Variants in DOCK7 observed in about 807,000 individuals in gnomAD.
DOCK7 encodes the protein dedicator of cytokinesis protein 7.
DOCK7 carries 138 observed loss-of-function variants against 271.0 expected under a neutral mutation model. The observed-to-expected ratio is 0.51, with a 90% CI of 0.44 to 0.59. The LOEUF (loss-of-function observed/expected upper bound fraction) is 0.59, where lower values mean the gene tolerates loss of function less well. Ranked by LOEUF, DOCK7 falls within the 20% of genes least tolerant of loss-of-function variation. The pLI is 0.00. For missense variants in DOCK7, 2,066 were observed against 2,592.4 expected (o/e 0.80, Z 4.41); for synonymous variants, 823 against 876.1 (o/e 0.94, Z 1.07).
rs1647532020 is a variant in DOCK7, at chr1:62,586,415, A to G, written c.1800+92T>C. On this transcript the variant is annotated intron_variant, in intron 15 of 49. Coordinates refer to ENST00000635253, the MANE Select transcript of DOCK7 (RefSeq NM_001367561.1). ...AAATTTGGTTTAAAAGATCACATTA[A>G]TTTCCAGGTTGCAGTTGCCAACCAA... The G allele has an allele frequency of 3.6e-6, 3 of 841,638 alleles. No homozygotes were observed. The South Asian group carries it at 5.5e-5, about 15-fold the overall frequency. 52.1% of individuals were successfully genotyped at this position (841,638 alleles called of 1,614,324 possible). A position where few individuals can be genotyped will look rare whatever the true frequency, so the allele number is the denominator to read the frequency against.
chr1:62,651,875 T>C (rs868758346), intron 4 of DOCK7, among the ~76,000 whole-genome samples: 4 of 152,268 alleles, frequency 2.6e-5, no homozygotes, highest in African/African-American at 9.6e-5. Context: ...AATTTTTTAA[T>C]TTGTATCCCC....
chr1:62,512,501 G>A (rs1644516489), intron 33 of DOCK7, among the ~76,000 whole-genome samples: 1 of 152,082 alleles, frequency 6.6e-6, no homozygotes, highest in Non-Finnish European at 1.5e-5. Context: ...AGCAGACCTG[G>A]GATTAGAAAA....
chr1:62,618,196 G>A (rs1557809915), intron 14 of DOCK7, among the ~76,000 whole-genome samples: 3 of 152,092 alleles, frequency 2.0e-5, no homozygotes, highest in South Asian at 4.1e-4. Context: ...ATCTGACAAC[G>A]TCATGTCAAG....
chr1:62,629,359 T>C (rs1422095999), intron 11 of DOCK7: 1 of 152,050 alleles, frequency 6.6e-6, no homozygotes, highest in African/African-American at 2.4e-5. Context: ...AACTGATAAA[T>C]AAATATAGTA....
At chr1:62,614,341 T>TA (rs1411244630) in intron 14 of DOCK7, among the ~76,000 whole-genome samples, 1 of 152,044 alleles carries the variant, frequency 6.6e-6, no homozygotes, top group African/African-American at 2.4e-5. Context: ...TGTTTTTTTT[T>TA]AAAATAAACT....
chr1:62,521,688 TAAG>T (rs1227545222), intron 31 of DOCK7, among the ~76,000 whole-genome samples: 2 of 152,172 alleles, frequency 1.3e-5, no homozygotes, highest in Non-Finnish European at 2.9e-5. Context: ...AATCAGTTGT[TAAG>T]AAGACCAGGT....
At chr1:62,658,547 T>C (rs1658298261) in intron 2 of DOCK7, among the ~76,000 whole-genome samples, 1 of 152,066 alleles carries the variant, frequency 6.6e-6, no homozygotes, top group African/African-American at 2.4e-5. Flanking sequence ...CAACCTAGAT[T>C]TCTCATAAAA....
intron 31 of DOCK7, among the ~76,000 whole-genome samples, chr1:62,521,245 G>A: frequency 6.6e-6 from 1 of 151,686 alleles, no homozygotes; most frequent in Non-Finnish European, 1.5e-5. Flanking sequence ...AGAACTTAAA[G>A]TATAATTTAA....
At chr1:62,687,531 G>C (rs1211922854) in intron 1 of DOCK7, 1 of 68,726 alleles carries the variant, frequency 1.5e-5, no homozygotes, top group Non-Finnish European at 3.3e-5. Context: ...GGCGAACTCA[G>C]AACAAGCTTC....
Position 62,492,708 on chromosome 1 carries a change from G to A in DOCK7, c.5357C>T (p.Ser1786Phe), listed in dbSNP as rs764567672. 3 of 1,614,026 alleles carry A rather than the reference G, an allele frequency of 1.9e-6. No homozygotes were observed. The highest frequency in any genetic ancestry group is 1.7e-5 in the Admixed American group (1 of 60,012). Residue 1786 changes from serine to phenylalanine, a missense_variant, in exon 41 of 50, where the codon TCT becomes TTT. Physicochemically the swap from Ser to Phe is radical, Grantham distance 155. Transcript: ENST00000635253. ...GLLEQAAASFSMAGMYEAVNE... is the reference protein window; with the variant it reads ...GLLEQAAASFFMAGMYEAVNE... ...GAATTAACAAGAGTCATCTACCATA[G>A]AGAAGGAAGCAGCTGCTTGTTCCAG...
intron 4 of DOCK7, 24 bp from the exon 5 acceptor site, chr1:62,648,568 A>C (rs1325155700): frequency 2.5e-6 from 3 of 1,188,094 alleles, no homozygotes; most frequent in Non-Finnish European, 3.3e-6. Context: ...AAAGTTAAAT[A>C]AATATCAACT....
At chr1:62,543,815 G>C (rs1315176627) in intron 23 of DOCK7, 70 bp from the exon 24 acceptor site, 1 of 1,095,884 alleles carries the variant, frequency 9.1e-7, no homozygotes, top group Non-Finnish European at 1.3e-6. Context: ...GCAGCTGATG[G>C]ATTATGTACA....
At chr1:62,641,417 T>G (rs1326127703) in intron 7 of DOCK7, 1 of 401,850 alleles carries the variant, frequency 2.5e-6, no homozygotes, top group Non-Finnish European at 5.0e-6. Flanking sequence ...ATCAAACATC[T>G]TGAGGTGGTC....
chr1:62,645,223 C>T (rs939230297), intron 7 of DOCK7, among the ~76,000 whole-genome samples: 3 of 151,998 alleles, frequency 2.0e-5, no homozygotes, highest in African/African-American at 4.8e-5. Flanking sequence ...GAAATGAAAA[C>T]ACGTGTCCCA....
At chr1:62,553,375 T>TAAA in intron 21 of DOCK7, among the ~76,000 whole-genome samples, 1 of 8,234 alleles carries the variant, frequency 1.2e-4, no homozygotes, top group African/African-American at 3.6e-4. Flanking sequence ...TTTTTTTTTT[T>TAAA]TTTTTTTTTT....
intron 7 of DOCK7, among the ~76,000 whole-genome samples, chr1:62,642,943 T>C (rs1656216774): frequency 6.6e-6 from 1 of 152,230 alleles, no homozygotes; most frequent in South Asian, 2.1e-4. Context: ...TCTCCATACC[T>C]TGAATTCAGG....
At chr1:62,623,856 T>C (rs17387864) in intron 12 of DOCK7, among the ~76,000 whole-genome samples, 6,586 of 152,262 alleles carry the variant, frequency 0.043, 226 homozygotes, top group Non-Finnish European at 0.066. Flanking sequence ...ACTACTGATA[T>C]GTAACAGTGA....
intron 27 of DOCK7, among the ~76,000 whole-genome samples, 175 bp downstream of exon 27, chr1:62,539,370 A>T (rs1022173125): frequency 9.2e-5 from 14 of 152,208 alleles, no homozygotes; most frequent in Non-Finnish European, 7.3e-5. Context: ...TTGTGTCCTG[A>T]TAAAACATGT....
chr1:62,505,804 T>C lies in DOCK7; in HGVS notation c.4489A>G (p.Thr1497Ala). ...CCAAGAATGCTCTCTTTGGATTCCG[T>C]TACAGAAACGGTCTGCAATTTAAAA... ...LEIVVQTVSV[T>A]ESKESILGGV... The change falls in exon 36 of 50, where the codon ACG becomes GCG. Residue 1497 changes from threonine (T) to alanine (A), a missense_variant. By Grantham distance (58) the Thr-to-Ala change is moderately conservative. Transcript: ENST00000635253. The C allele has an allele frequency of 6.2e-7, 1 of 1,609,762 alleles. No individual in the cohort carries two copies.
Sources: gnomAD v4.1 joint callset for allele counts (sites outside exome capture counted in the v4.1 genomes callset) on GRCh38, gnomAD v4.1.1 for gene constraint, MANE v1.5 for transcripts, NCBI Gene and HGNC (gene_info 2026-07-23, HGNC 2026-07-21) for gene names.